Variants in CLEC2D observed in about 807,000 individuals in gnomAD.
CLEC2D encodes C-type lectin related f.
A neutral mutation model predicts 20.0 loss-of-function variants in CLEC2D; 16 were observed. That is an observed-to-expected ratio of 0.80 (90% CI 0.54 to 1.22). The LOEUF (loss-of-function observed/expected upper bound fraction) is 1.22. Among genes scored for constraint, CLEC2D ranks in the 50% most tolerant of loss-of-function variants. The pLI is 0.00. For missense variants in CLEC2D, 207 were observed against 221.5 expected (o/e 0.93, Z 0.42); for synonymous variants, 77 against 71.1 (o/e 1.08, Z -0.42).
intron 3 of CLEC2D, 100 bp downstream of exon 3, chr12:9,688,186 ATTGAT>A: frequency 9.3e-7 from 1 of 1,070,250 alleles, no homozygotes; most frequent in Admixed American, 4.9e-5. Context: ...CTGCTTTTAC[ATTGAT>A]TTTTTTTTTT....
At position 9,693,764 on chromosome 12, in the gene CLEC2D, A is replaced by G. The variant is rs1025381568; in HGVS notation, c.461+833A>G. ...TTTTATTTCTTATTTTACAATACGG[A>G]AGTAGTAAATTTTCTCTACCTAATT... On this transcript the variant is annotated intron_variant, in intron 4 of 4. Coordinates refer to ENST00000290855, the MANE Select transcript of CLEC2D (RefSeq NM_013269.6). 4 of 432,058 alleles carry G rather than the reference A, an allele frequency of 9.3e-6. No homozygotes were observed. The Admixed American group carries it at 1.1e-4, about 11-fold the overall frequency. The allele number at this position is 432,058 out of a possible 1,614,324, so 26.8% of individuals were successfully genotyped here.
At chr12:9,688,455 TG>T (rs1440399025) in intron 3 of CLEC2D, among the ~76,000 whole-genome samples, 2 of 152,196 alleles carry the variant, frequency 1.3e-5, no homozygotes, top group Non-Finnish European at 2.9e-5. Context: ...CAGTGGCACA[TG>T]CCTGTAATCC....
At chr12:9,672,119 A>G (rs998375113) in intron 1 of CLEC2D, among the ~76,000 whole-genome samples, 14 of 152,192 alleles carry the variant, frequency 9.2e-5, no homozygotes, top group Non-Finnish European at 1.8e-4. Flanking sequence ...TGAGAAACAC[A>G]TCTTGCTCCA....
intron 1 of CLEC2D, among the ~76,000 whole-genome samples, chr12:9,676,549 T>C (rs1264060320): frequency 2.0e-5 from 3 of 152,184 alleles, no homozygotes; most frequent in Non-Finnish European, 4.4e-5. Flanking sequence ...TATAATTCTT[T>C]TTATACATCA....
At chr12:9,671,018 C>G (rs985068688) in intron 1 of CLEC2D, among the ~76,000 whole-genome samples, 1 of 152,194 alleles carries the variant, frequency 6.6e-6, no homozygotes, top group Non-Finnish European at 1.5e-5. Context: ...CCCGTACTTT[C>G]AGGTTCCCAG....
At chr12:9,679,264 TA>T (rs1405922964) in intron 1 of CLEC2D, among the ~76,000 whole-genome samples, 2 of 152,186 alleles carry the variant, frequency 1.3e-5, no homozygotes, top group Non-Finnish European at 2.9e-5. Context: ...ACTTATTTTT[TA>T]TATTGTTCCT....
intron 1 of CLEC2D, among the ~76,000 whole-genome samples, chr12:9,672,295 C>T (rs1385772298): frequency 6.6e-6 from 1 of 152,212 alleles, no homozygotes; most frequent in African/African-American, 2.4e-5. Context: ...ACCTGCCTCT[C>T]AACACTATTG....
At chr12:9,689,412 T>C (rs10844457) in intron 3 of CLEC2D, among the ~76,000 whole-genome samples, 13,244 of 152,158 alleles carry the variant, frequency 0.087, 627 homozygotes, top group African/African-American at 0.12. Flanking sequence ...CAACATAGTA[T>C]TCATAATGTC....
chr12:9,671,511 C>T (rs747892684), intron 1 of CLEC2D, among the ~76,000 whole-genome samples: 6 of 152,226 alleles, frequency 3.9e-5, no homozygotes, highest in Non-Finnish European at 2.9e-5. Context: ...TGAGCCACCG[C>T]GCCCGGCCGA....
rs530879117 is a variant in CLEC2D, at chr12:9,696,046, TCTC to T, written c.*1175_*1177del. 5.3e-6 allele frequency: 7 copies of T among 1,318,356 alleles called. No individual in the cohort carries two copies. Among genetic ancestry groups the T allele is most frequent in the Non-Finnish European group, 7.5e-6 (7 of 927,188 alleles). The allele number at this position is 1,318,356 out of a possible 1,614,324, so 81.7% of individuals were successfully genotyped here. A position where few individuals can be genotyped will look rare whatever the true frequency, so the allele number is the denominator to read the frequency against. On this transcript the variant is annotated 3_prime_UTR_variant, in exon 5 of 5. Coordinates refer to ENST00000290855, the MANE Select transcript of CLEC2D (RefSeq NM_013269.6). ...AGAATCCTTCAAAAAACAGGAAAAA[TCTC>T]CTAAAACACCAAAAGGATCTAGTTC...
At chr12:9,694,721 A>G (rs1285478882) in intron 4 of CLEC2D, 39 bp from the exon 5 acceptor site, 5 of 1,045,022 alleles carry the variant, frequency 4.8e-6, no homozygotes, top group Non-Finnish European at 6.0e-6. Flanking sequence ...TGTTGAAGAA[A>G]TGTTCAGTGG....
At position 9,680,971 on chromosome 12, in the gene CLEC2D, G is replaced by C. The variant is rs146151995; in HGVS notation, c.110G>C (p.Arg37Pro). The C allele has an allele frequency of 6.2e-7, 1 of 1,607,508 alleles. No homozygotes were observed. The highest frequency in any genetic ancestry group is 8.5e-7 in the Non-Finnish European group (1 of 1,175,138). ...EHSIKATLIW[R>P]LFFLIMFLTI... ...TCTATTAAAGCTACCTTAATTTGGCGCTTATTTTTCTTAATCATGTTTCTG... is the reference window on the plus strand; with the variant it reads ...TCTATTAAAGCTACCTTAATTTGGCCCTTATTTTTCTTAATCATGTTTCTG... Residue 37 changes from arginine (R) to proline (P), a missense_variant, in exon 2 of 5, where the codon CGC becomes CCC. By Grantham distance (103) the Arg-to-Pro change is moderately radical. Transcript: ENST00000290855.
In CLEC2D at chr12:9,696,254, T is replaced by C. The variant is rs193242022; in HGVS notation, c.*1380T>C. On this transcript the variant is annotated 3_prime_UTR_variant, in exon 5 of 5. Transcript: ENST00000290855. ...TAAGAAAATAGTTTAAACAATTTGT[T>C]AAAAATTTTCCATCTTATTTCATTT... The C allele has an allele frequency of 1.4e-4, 112 of 788,406 alleles. No homozygotes were observed. The African/African-American group carries it at 1.6e-3, about 11-fold the overall frequency. 48.8% of individuals were successfully genotyped at this position (788,406 alleles called of 1,614,324 possible). A position where few individuals can be genotyped will look rare whatever the true frequency, so the allele number is the denominator to read the frequency against.
At chr12:9,683,597 C>T (rs1050540472) in intron 2 of CLEC2D, among the ~76,000 whole-genome samples, 5 of 152,048 alleles carry the variant, frequency 3.3e-5, no homozygotes, top group Non-Finnish European at 7.4e-5. Context: ...ATATGGCTAG[C>T]CAGTTTTCTC....
At chr12:9,681,105 ATTTTG>A in intron 2 of CLEC2D, 72 bp downstream of exon 2, 1 of 858,438 alleles carries the variant, frequency 1.2e-6, no homozygotes. Context: ...AATCTGAATA[ATTTTG>A]TTATTCTTTA....
intron 1 of CLEC2D, among the ~76,000 whole-genome samples, chr12:9,674,758 T>G (rs1865489210): frequency 6.6e-6 from 1 of 152,232 alleles, no homozygotes; most frequent in South Asian, 2.1e-4. Context: ...TATTAATAAT[T>G]TGTCTTTTCA....
intron 3 of CLEC2D, among the ~76,000 whole-genome samples, chr12:9,690,421 T>A (rs1477898764): frequency 6.6e-6 from 1 of 151,968 alleles, no homozygotes; most frequent in Non-Finnish European, 1.5e-5. Flanking sequence ...GCCTCCAAAA[T>A]AAAGAATATT....
At chr12:9,680,238 C>T (rs1377097792) in intron 1 of CLEC2D, 1 of 334,868 alleles carries the variant, frequency 3.0e-6, no homozygotes, top group Admixed American at 2.8e-5. Flanking sequence ...TTTGCTTCCT[C>T]TTCCACCATT....
chr12:9,674,821 C>T (rs1353415487), intron 1 of CLEC2D, among the ~76,000 whole-genome samples: 1 of 151,848 alleles, frequency 6.6e-6, no homozygotes, highest in Non-Finnish European at 1.5e-5. Flanking sequence ...TAATGAAGTC[C>T]AGTTTATCAG....
Sources: allele counts gnomAD v4.1 joint callset (sites outside exome capture counted in the v4.1 genomes callset), GRCh38; gene constraint gnomAD v4.1.1; transcripts MANE v1.5; gene names NCBI Gene and HGNC (gene_info 2026-07-23, HGNC 2026-07-21).